AMPD1: variants seen among roughly 807,000 people sequenced by gnomAD.
AMPD1 encodes adenosine monophosphate deaminase 1, also known as AMP deaminase 1.
A neutral mutation model predicts 82.9 loss-of-function variants in AMPD1; 74 were observed. The ratio of observed to expected loss-of-function variants is 0.89; its 90% CI spans 0.74 to 1.08. The LOEUF (loss-of-function observed/expected upper bound fraction) is 1.08, where lower values mean the gene tolerates loss of function less well. Among genes scored for constraint, AMPD1 ranks in the 50% least tolerant of loss-of-function variants. The pLI is 0.00. For synonymous variants in AMPD1, 333 were observed against 320.5 expected (o/e 1.04, Z -0.42); for missense variants, 881 against 924.5 (o/e 0.95, Z 0.61).
At chr1:114,687,148 C>A (rs1437936507) in intron 3 of AMPD1, 2 of 560,614 alleles carry the variant, frequency 3.6e-6, no homozygotes, top group Non-Finnish European at 3.2e-6. Context: ...ACTAGAAGAC[C>A]TTCACCATGA....
intron 5 of AMPD1, 33 bp downstream of exon 5, chr1:114,684,166 T>C (rs764099946): frequency 1.2e-6 from 2 of 1,603,498 alleles, no homozygotes; most frequent in Non-Finnish European, 1.7e-6. Flanking sequence ...TTAAATAAAA[T>C]ATGTTTCATA....
At chr1:114,692,986 G>A (rs866722077) in intron 2 of AMPD1, among the ~76,000 whole-genome samples, 9 of 151,360 alleles carry the variant, frequency 5.9e-5, no homozygotes, top group Middle Eastern at 3.4e-3. Context: ...TTAACCAGGT[G>A]TGGTGGTGTG....
chr1:114,682,768 C>T (rs557813187), intron 5 of AMPD1, among the ~76,000 whole-genome samples: 41 of 152,128 alleles, frequency 2.7e-4, no homozygotes, highest in Non-Finnish European at 5.3e-4. Flanking sequence ...TTAGTAGAGA[C>T]GGGGTTTCAC....
At chr1:114,685,257 G>T (rs902798313) in intron 4 of AMPD1, among the ~76,000 whole-genome samples, 1 of 152,142 alleles carries the variant, frequency 6.6e-6, no homozygotes, top group Non-Finnish European at 1.5e-5. Flanking sequence ...GTAGCTCATT[G>T]CCACCTAATA....
At chr1:114,678,986 C>A (rs910532360) in intron 7 of AMPD1, among the ~76,000 whole-genome samples, 1 of 152,144 alleles carries the variant, frequency 6.6e-6, no homozygotes, top group Non-Finnish European at 1.5e-5. Context: ...AGTAATTAGT[C>A]CAAAGTTGTA....
rs774236815 is a variant in AMPD1, at chr1:114,677,384, T to C, written c.1355A>G (p.Asn452Ser). 1.9e-6 allele frequency: 3 copies of C among 1,610,016 alleles called. No individual in the cohort carries two copies. The highest frequency in any genetic ancestry group is 1.7e-5 in the Admixed American group (1 of 59,352). The change falls in exon 10 of 16, where the codon AAC becomes AGC. Residue 452 changes from asparagine to serine, a missense_variant. By Grantham distance (46) the Asn-to-Ser change is conservative. Around this residue, in one of 2 missense-constraint regions of AMPD1, gnomAD observed 783 missense variants for 786.4 expected, o/e 1.00. Coordinates refer to ENST00000520113, the MANE Select transcript of AMPD1 (RefSeq NM_000036.3). The part of the protein sequence containing the change: ...WFVCNRIHCP[N>S]MTWMIQVPRI... ...GGGAACCTGGATCATCCATGTCATG[T>C]TGGGGCAGTGGATGCGATTGCAGAC...
chr1:114,684,097 A>G (rs748956848), intron 5 of AMPD1, 102 bp downstream of exon 5: 346 of 1,281,170 alleles, frequency 2.7e-4, no homozygotes, highest in Non-Finnish European at 3.4e-4. Flanking sequence ...TGACTATGAT[A>G]TTTTTAGACT....
intron 1 of AMPD1, among the ~76,000 whole-genome samples, 178 bp from the exon 2 acceptor site, chr1:114,693,625 T>C (rs748133431): frequency 6.6e-6 from 1 of 152,216 alleles, no homozygotes; most frequent in Admixed American, 6.5e-5. Flanking sequence ...ATTATACAGC[T>C]CTTCATTTTC....
chr1:114,681,879 T>G (rs1209801745), intron 5 of AMPD1, among the ~76,000 whole-genome samples: 1 of 152,168 alleles, frequency 6.6e-6, no homozygotes, highest in Non-Finnish European at 1.5e-5. Flanking sequence ...GTGCTCCACC[T>G]AAAGTGGTTT....
rs1658334752 is a variant in AMPD1, at chr1:114,686,870, T to C, written c.256A>G (p.Ile86Val). Residue 86 changes from isoleucine (I) to valine (V), a missense_variant, in exon 4 of 16, where the codon ATT (isoleucine) becomes GTT (valine). By Grantham distance (29) the Ile-to-Val change is conservative (BLOSUM62 3). Coordinates refer to ENST00000520113, the MANE Select transcript of AMPD1 (RefSeq NM_000036.3). ...GTGGAAGATGTTTCACTTAGTGGAA[T>C]GGACAAATTAACAGTCTTCCGTCCT... ...FQGRKTVNLS[I>V]PLSETSSTKL... 6.2e-7 allele frequency: 1 copy of C among 1,614,230 alleles called. No individual in the cohort carries two copies. The highest frequency in any genetic ancestry group is 8.5e-7 in the Non-Finnish European group (1 of 1,180,026).
rs185355484 is a variant in AMPD1 at position 114,687,157 on chromosome 1, G to T, written c.216-247C>A. On this transcript the variant is annotated intron_variant, in intron 3 of 15. Transcript: ENST00000520113. Reference sequence around the variant, plus strand: ...AATCCTACTAGAAGACCTTCACCATGACACCCTTCTTCCCAGGCAGTCCAC... The same window carrying T: ...AATCCTACTAGAAGACCTTCACCATTACACCCTTCTTCCCAGGCAGTCCAC... Among the ~76,000 whole-genome samples the T allele has an allele frequency of 6.8e-3, 1,038 of 152,180 alleles. 16 individuals carry two copies. Among genetic ancestry groups the T allele is most frequent in the Non-Finnish European group, 7.6e-3 (515 of 68,014 alleles).
At chr1:114,679,132 A>G (rs905514641) in intron 7 of AMPD1, among the ~76,000 whole-genome samples, 2 of 152,208 alleles carry the variant, frequency 1.3e-5, no homozygotes, top group African/African-American at 4.8e-5. Flanking sequence ...TCTCTAGGCT[A>G]GCTCATTTGA....
intron 6 of AMPD1, 107 bp from the exon 7 acceptor site, chr1:114,679,815 T>C: frequency 7.5e-7 from 1 of 1,326,752 alleles, no homozygotes; most frequent in Non-Finnish European, 1.1e-6. Flanking sequence ...AAATAATTGT[T>C]GGAACAAACC....
chr1:114,695,390 C>T, intron 1 of AMPD1, 60 bp downstream of exon 1: 2 of 1,475,218 alleles, frequency 1.4e-6, no homozygotes, highest in Non-Finnish European at 1.8e-6. Flanking sequence ...GGAACAGTTG[C>T]TTGTCAAAAA....
At chr1:114,683,630 G>A (rs1421200292) in intron 5 of AMPD1, among the ~76,000 whole-genome samples, 7 of 152,034 alleles carry the variant, frequency 4.6e-5, no homozygotes, top group South Asian at 4.1e-4. Context: ...CCAGCTACCC[G>A]GGAGGCTGAG....
intron 6 of AMPD1, 116 bp downstream of exon 6, chr1:114,680,143 T>A: frequency 3.1e-6 from 3 of 957,130 alleles, no homozygotes; most frequent in Non-Finnish European, 5.0e-6. Context: ...ATACAGTGTT[T>A]GAACATAGTA....
At chr1:114,682,909 AT>A (rs1432333795) in intron 5 of AMPD1, among the ~76,000 whole-genome samples, 1 of 152,168 alleles carries the variant, frequency 6.6e-6, no homozygotes, top group Non-Finnish European at 1.5e-5. Context: ...CTCCCCAGAA[AT>A]TTTAGTTCTA....
Position 114,674,222 on chromosome 1 carries a change from A to G in AMPD1, c.1801-140T>C, listed in dbSNP as rs912728995. ...TTCTTCAAGTCTCTTAGTAAGGAGA[A>G]TTTAGGAGTTTTTCAATGTAAATGC... On this transcript the variant is annotated intron_variant, in intron 13 of 15. Transcript: ENST00000520113. 1.4e-5 allele frequency: 11 copies of G among 759,040 alleles called. No homozygotes were observed. In the East Asian group the frequency reaches 2.4e-4, roughly 17 times the overall value. 47.0% of individuals were successfully genotyped at this position (759,040 alleles called of 1,614,324 possible). A position where few individuals can be genotyped will look rare whatever the true frequency, so the allele number is the denominator to read the frequency against.
At chr1:114,685,161 A>G (rs1392394091) in intron 4 of AMPD1, among the ~76,000 whole-genome samples, 1 of 152,172 alleles carries the variant, frequency 6.6e-6, no homozygotes, top group Non-Finnish European at 1.5e-5. Context: ...TAGTTTAACT[A>G]TTTTAAAGAC....
Sources: gnomAD v4.1 joint callset for allele counts (sites outside exome capture counted in the v4.1 genomes callset) on GRCh38, gnomAD v4.1.1 for gene constraint, gnomAD v4.1.1 regional missense constraint, MANE v1.5 for transcripts, NCBI Gene and HGNC (gene_info 2026-07-23, HGNC 2026-07-21) for gene names.